Variants in TENM3 observed in about 807,000 individuals in gnomAD.
TENM3 encodes teneurin-3.
TENM3 carries 63 observed loss-of-function variants against 255.1 expected under a neutral mutation model. The observed-to-expected ratio is 0.25, with a 90% CI of 0.20 to 0.30. The LOEUF (loss-of-function observed/expected upper bound fraction) is 0.30, where lower values mean the gene tolerates loss of function less well. TENM3 is among the 10% of genes least tolerant of loss of function. The probability of loss-of-function intolerance (pLI) is 1.00; values close to 1 mark genes in which losing one functional copy is unlikely to be tolerated. For missense variants in TENM3, 2,929 were observed against 3,461.1 expected, an observed-to-expected ratio of 0.85 and a Z score of 3.86; for synonymous variants, 1,306 against 1,322.3, an observed-to-expected ratio of 0.99 and a Z score of 0.27.
the TENM3 span, among the ~76,000 whole-genome samples, chr4:181,474,161 G>T: frequency 6.6e-6 from 1 of 151,944 alleles, no homozygotes. Flanking sequence ...ACCAGGGCCT[G>T]TAGGGGGATG....
At chr4:182,346,574 TTA>T (rs1764822736) in intron 2 of TENM3, 75 bp from the exon 3 acceptor site, 2 of 1,118,570 alleles carry the variant, frequency 1.8e-6, no homozygotes, top group African/African-American at 2.8e-5. Context: ...AAAGACATTC[TTA>T]AAAAAAAAAA....
the TENM3 span, among the ~76,000 whole-genome samples, chr4:181,848,620 C>T: frequency 2.6e-5 from 4 of 151,752 alleles, no homozygotes; most frequent in African/African-American, 9.7e-5. Flanking sequence ...AACATCAAAA[C>T]GAATACTAAA....
At chr4:181,538,372 C>T in the TENM3 span, among the ~76,000 whole-genome samples, 2 of 151,902 alleles carry the variant, frequency 1.3e-5, no homozygotes, top group Admixed American at 6.6e-5. Context: ...TATTAAGTGC[C>T]TCATAGGCAC....
the TENM3 span, among the ~76,000 whole-genome samples, chr4:182,033,136 G>A: frequency 6.6e-6 from 1 of 151,884 alleles, no homozygotes; most frequent in South Asian, 2.1e-4. Context: ...TTTGATGTTT[G>A]GATGTTGACT....
chr4:182,601,197 C>A (rs186100811), intron 4 of TENM3, 36 bp downstream of exon 4: 1 of 1,523,234 alleles, frequency 6.6e-7, no homozygotes, highest in Non-Finnish European at 9.1e-7. Context: ...CTAGCCCAAC[C>A]CTTTTCTCAC....
chr4:182,207,580 T>C (rs1754672233), intron 1 of TENM3, among the ~76,000 whole-genome samples: 1 of 152,182 alleles, frequency 6.6e-6, no homozygotes, highest in African/African-American at 2.4e-5. Context: ...AAATTGAAGC[T>C]GCCAGCTAAG....
At chr4:182,713,323 T>A (rs973591634) in intron 12 of TENM3, among the ~76,000 whole-genome samples, 6 of 152,226 alleles carry the variant, frequency 3.9e-5, no homozygotes, top group Non-Finnish European at 7.3e-5. Context: ...CCGTCCTAAG[T>A]AATCCAATAT....
intron 1 of TENM3, among the ~76,000 whole-genome samples, chr4:182,146,297 C>G (rs1336323674): frequency 1.3e-5 from 2 of 152,018 alleles, no homozygotes; most frequent in Admixed American, 1.3e-4. Flanking sequence ...TGTATGAGCC[C>G]TGAAAGTTTG....
chr4:182,786,185 C>T (rs746939461), intron 24 of TENM3, among the ~76,000 whole-genome samples: 47 of 152,064 alleles, frequency 3.1e-4, no homozygotes, highest in Non-Finnish European at 4.9e-4. Context: ...GTCCAAGGCA[C>T]GCACAGTGAT....
chr4:181,963,053 C>T, the TENM3 span, among the ~76,000 whole-genome samples: 2 of 152,022 alleles, frequency 1.3e-5, no homozygotes, highest in Non-Finnish European at 2.9e-5. Context: ...TTATTGAATA[C>T]TTTGACATAG....
At chr4:181,701,192 C>G in the TENM3 span, among the ~76,000 whole-genome samples, 1 of 152,280 alleles carries the variant, frequency 6.6e-6, no homozygotes, top group Admixed American at 6.5e-5. Flanking sequence ...GAGGCACTCT[C>G]CCACCAAGGA....
the TENM3 span, among the ~76,000 whole-genome samples, chr4:181,732,468 A>T: frequency 2.0e-5 from 3 of 152,280 alleles, no homozygotes; most frequent in East Asian, 5.8e-4. Flanking sequence ...GTAGAATAAA[A>T]ACGTAATGAT....
upstream of TENM3, among the ~76,000 whole-genome samples, chr4:182,240,000 G>GA (rs570043042): frequency 6.6e-6 from 1 of 151,918 alleles, no homozygotes; most frequent in African/African-American, 2.4e-5. Flanking sequence ...AAATGGCTGG[G>GA]AAAAAAACAA....
At chr4:181,678,233 T>C in the TENM3 span, among the ~76,000 whole-genome samples, 1 of 152,240 alleles carries the variant, frequency 6.6e-6, no homozygotes, top group East Asian at 1.9e-4. Flanking sequence ...TTGTAATAAC[T>C]TTTTTGAAGA....
chr4:182,721,753 A>G lies in TENM3; in HGVS notation c.2369-7212A>G, dbSNP rs12641378. 9.8e-5 allele frequency among the ~76,000 whole-genome samples: 15 copies of G among 152,336 alleles called. 1 individual carries two copies. The East Asian group carries it at 2.9e-3, about 29-fold the overall frequency. ...TGTAAGTAAACAAAAATGTTCAACA[A>G]AATGAAAAATATCAATTTTGTCTGA... On this transcript the variant is annotated intron_variant, in intron 13 of 27. Transcript: ENST00000511685.
chr4:181,899,228 G>A, the TENM3 span, among the ~76,000 whole-genome samples: 1 of 151,862 alleles, frequency 6.6e-6, no homozygotes, highest in Admixed American at 6.6e-5. Flanking sequence ...TGAACTGAAA[G>A]TACTAGATTA....
chr4:182,557,029 A>G (rs1260335782), intron 3 of TENM3, among the ~76,000 whole-genome samples: 1 of 152,202 alleles, frequency 6.6e-6, no homozygotes, highest in African/African-American at 2.4e-5. Flanking sequence ...ACCAGTTGCT[A>G]AATATGGTTA....
chr4:182,285,754 A>T (rs1760690972), intron 1 of TENM3, among the ~76,000 whole-genome samples: 1 of 152,086 alleles, frequency 6.6e-6, no homozygotes, highest in African/African-American at 2.4e-5. Flanking sequence ...TGTGAAGGGG[A>T]TGTGTGCGTG....
chr4:181,514,598 C>G, the TENM3 span, among the ~76,000 whole-genome samples: 1 of 152,104 alleles, frequency 6.6e-6, no homozygotes, highest in African/African-American at 2.4e-5. Context: ...AAGCAATGAG[C>G]CTTGTTGAGG....
Sources: gnomAD v4.1 joint callset for allele counts (sites outside exome capture counted in the v4.1 genomes callset) on GRCh38, gnomAD v4.1.1 for gene constraint, MANE v1.5 for transcripts, NCBI Gene and HGNC (gene_info 2026-07-23, HGNC 2026-07-21) for gene names.